Variants in DGKD observed in about 807,000 individuals in gnomAD.
DGKD encodes the protein DAG kinase delta.
DGKD carries 68 observed loss-of-function variants against 154.4 expected under a neutral mutation model. The observed-to-expected ratio is 0.44, with a 90% CI of 0.36 to 0.54. The LOEUF (loss-of-function observed/expected upper bound fraction) is 0.54. Ranked by LOEUF, DGKD falls within the 20% of genes least tolerant of loss-of-function variation. The pLI is 0.00. For synonymous variants in DGKD, 693 were observed against 638.0 expected (o/e 1.09, Z -1.30); for missense variants, 1,343 against 1,593.6 (o/e 0.84, Z 2.68).
At position 233,468,440 on chromosome 2, in the gene DGKD, G is replaced by A; in HGVS notation, c.3442G>A (p.Glu1148Lys). ...TCCGACAGTTCACCTCTGGGGGACA[G>A]AGGAGGTTGCTGCCTGGCTGGAGCA... ...LGAPVHLWGT[E>K]EVAAWLEHLS... The change falls in exon 29 of 30, where the codon GAG (glutamate) becomes AAG (lysine). Residue 1148 changes from glutamate (E) to lysine (K), a missense_variant. Coordinates refer to ENST00000264057, the MANE Select transcript of DGKD (RefSeq NM_152879.3). 1 of 1,613,464 alleles carries A rather than the reference G, an allele frequency of 6.2e-7. No homozygotes were observed. Among genetic ancestry groups the A allele is most frequent in the Non-Finnish European group, 8.5e-7 (1 of 1,179,896 alleles).
intron 4 of DGKD, 106 bp downstream of exon 4, chr2:233,434,590 CGTTCTTAGCAT>C (rs1488947287): frequency 7.0e-7 from 1 of 1,426,256 alleles, no homozygotes; most frequent in Non-Finnish European, 9.8e-7. Flanking sequence ...CTGGAGCTCA[CGTTCTTAGCAT>C]GTTCTTTATA....
intron 26 of DGKD, among the ~76,000 whole-genome samples, chr2:233,463,531 TCTC>T (rs1342070117): frequency 7.1e-6 from 1 of 140,828 alleles, no homozygotes; most frequent in African/African-American, 2.8e-5. Context: ...ACTCCACGCA[TCTC>T]CTCACTCCAC....
intron 1 of DGKD, among the ~76,000 whole-genome samples, chr2:233,381,398 T>A (rs1242829021): frequency 6.6e-6 from 1 of 152,232 alleles, no homozygotes; most frequent in East Asian, 1.9e-4. Context: ...CAGCAGACTT[T>A]TATGCTGAAG....
At chr2:233,399,148 T>A (rs1306982054) in intron 3 of DGKD, among the ~76,000 whole-genome samples, 1 of 152,238 alleles carries the variant, frequency 6.6e-6, no homozygotes, top group African/African-American at 2.4e-5. Context: ...ATTCTCACCC[T>A]CCCTGACCCT....
At chr2:233,417,191 C>T (rs936994501) in intron 3 of DGKD, among the ~76,000 whole-genome samples, 2 of 152,120 alleles carry the variant, frequency 1.3e-5, no homozygotes, top group African/African-American at 4.8e-5. Context: ...CGCCACCACG[C>T]CTGGCTAATT....
chr2:233,433,273 C>T (rs1180516097), intron 3 of DGKD, among the ~76,000 whole-genome samples: 1 of 152,048 alleles, frequency 6.6e-6, no homozygotes, highest in Non-Finnish European at 1.5e-5. Context: ...AGAATGAGAT[C>T]CTGTCATTTG....
rs746563961 is a variant in DGKD at position 233,450,107 on chromosome 2, C to T, written c.2014C>T (p.Pro672Ser). 6.2e-7 allele frequency: 1 copy of T among 1,612,792 alleles called. No individual in the cohort carries two copies. The highest frequency in any genetic ancestry group is 8.5e-7 in the Non-Finnish European group (1 of 1,179,380). ...PLSHSESFGV[P>S]KGRSQRKVSK... ...GTCCCACAGCGAGAGCTTCGGGGTCCCCAAGGGGAGGAGCCAGCGCAAAGG... is the reference window on the plus strand; with the variant it reads ...GTCCCACAGCGAGAGCTTCGGGGTCTCCAAGGGGAGGAGCCAGCGCAAAGG... The change falls in exon 16 of 30, where the codon CCC becomes TCC. Residue 672 changes from proline (P) to serine (S), a missense_variant. Pro to Ser is a moderately conservative substitution (Grantham distance 74). Coordinates refer to ENST00000264057, the MANE Select transcript of DGKD (RefSeq NM_152879.3).
chr2:233,425,777 C>T (rs374084259), intron 3 of DGKD, among the ~76,000 whole-genome samples: 4 of 152,192 alleles, frequency 2.6e-5, no homozygotes, highest in East Asian at 1.9e-4. Context: ...TTACTGTAGC[C>T]AGTCTCTACC....
intron 1 of DGKD, among the ~76,000 whole-genome samples, chr2:233,364,507 A>G (rs1440888672): frequency 1.3e-5 from 2 of 152,230 alleles, no homozygotes; most frequent in African/African-American, 4.8e-5. Context: ...AAAGGAGGCA[A>G]ATAGAGTAGA....
intron 6 of DGKD, 137 bp downstream of exon 6, chr2:233,436,061 A>G: frequency 9.3e-7 from 1 of 1,080,220 alleles, no homozygotes; most frequent in Non-Finnish European, 1.3e-6. Context: ...GCACAGTGGA[A>G]ATTATATGCG....
At chr2:233,429,941 T>C (rs1187346291) in intron 3 of DGKD, among the ~76,000 whole-genome samples, 1 of 152,238 alleles carries the variant, frequency 6.6e-6, no homozygotes, top group Non-Finnish European at 1.5e-5. Flanking sequence ...CTGGAGAATC[T>C]CCCTGTAAAG....
At chr2:233,366,421 T>C (rs1470691004) in intron 1 of DGKD, among the ~76,000 whole-genome samples, 1 of 152,044 alleles carries the variant, frequency 6.6e-6, no homozygotes, top group Non-Finnish European at 1.5e-5. Flanking sequence ...AACTCAGTGA[T>C]GGTTTGGTGT....
In DGKD at chr2:233,354,512, C is replaced by T. The variant is rs1459577933; in HGVS notation, c.-7C>T. On this transcript the variant is annotated 5_prime_UTR_variant, in exon 1 of 30. Transcript: ENST00000264057. This position sits in a 1 kb window ranked among gnomAD's most constrained non-coding sequence, Gnocchi z 4.8. The stretch of plus-strand genomic sequence containing the variant: ...CCCGCCCGCGGTGCGCGCGCTGGCC[C>T]GGCAGCATGGCGGCGGCGGCGGGCG... 3.1e-6 allele frequency: 3 copies of T among 983,458 alleles called. No individual in the cohort carries two copies. The highest frequency in any genetic ancestry group is 3.6e-6 in the Non-Finnish European group (3 of 830,444). 60.9% of individuals were successfully genotyped at this position (983,458 alleles called of 1,614,324 possible).
chr2:233,399,257 T>C (rs1176548177), intron 3 of DGKD, among the ~76,000 whole-genome samples: 1 of 152,216 alleles, frequency 6.6e-6, no homozygotes, highest in Non-Finnish European at 1.5e-5. Flanking sequence ...TTCATGGCTT[T>C]ACACCAAGTT....
intron 3 of DGKD, among the ~76,000 whole-genome samples, chr2:233,424,570 G>A (rs187816641): frequency 3.9e-5 from 6 of 152,316 alleles, no homozygotes; most frequent in East Asian, 1.9e-4. Context: ...GGGAGAGCTC[G>A]TGGTGAGTGC....
chr2:233,409,602 T>C (rs986664688), intron 3 of DGKD, among the ~76,000 whole-genome samples: 1 of 152,096 alleles, frequency 6.6e-6, no homozygotes, highest in Non-Finnish European at 1.5e-5. Flanking sequence ...AATAACCTGG[T>C]GTTTCACAGT....
rs2063545171 is a variant in DGKD, at chr2:233,459,078, G to A, written c.2695-679G>A. On this transcript the variant is annotated intron_variant, in intron 22 of 29. Transcript: ENST00000264057. The surrounding 1 kb of genome is among the most constrained non-coding windows in gnomAD (Gnocchi z 5.7). Reference sequence around the variant, plus strand: ...GGGAGGATTTCCAGCTGGGGCCCTCGATCATGGTTCTGAGGCCGAGTGGTG... The same window carrying A: ...GGGAGGATTTCCAGCTGGGGCCCTCAATCATGGTTCTGAGGCCGAGTGGTG... 1.3e-5 allele frequency among the ~76,000 whole-genome samples: 2 copies of A among 152,300 alleles called. No homozygotes were observed. Among genetic ancestry groups the A allele is most frequent in the Admixed American group, 6.5e-5 (1 of 15,302 alleles).
chr2:233,394,005 C>T (rs116871099), intron 3 of DGKD, among the ~76,000 whole-genome samples: 29 of 152,148 alleles, frequency 1.9e-4, no homozygotes, highest in East Asian at 1.7e-3. Context: ...TTGTAACTTA[C>T]GAAATATGTT....
In DGKD at chr2:233,462,454, A is replaced by G; in HGVS notation, c.3088A>G (p.Thr1030Ala). 1 of 1,595,316 alleles carries G rather than the reference A, an allele frequency of 6.3e-7. No individual in the cohort carries two copies. The highest frequency in any genetic ancestry group is 8.6e-7 in the Non-Finnish European group (1 of 1,165,876). Residue 1030 changes from threonine (T) to alanine (A), a missense_variant, in exon 25 of 30, where the codon ACA becomes GCA. Thr to Ala is a moderately conservative substitution (Grantham distance 58). Coordinates refer to ENST00000264057, the MANE Select transcript of DGKD (RefSeq NM_152879.3). ...CCGTGTGTATGGCAAGCCCAGAACC[A>G]CAGAGGTAGCTATTCTGGCCTTTTC... ...MDRVYGKPRT[T>A]EGLNCSFVLE...
Sources: gnomAD v4.1 joint callset for allele counts (sites outside exome capture counted in the v4.1 genomes callset) on GRCh38, gnomAD v4.1.1 for gene constraint, Gnocchi (gnomAD v3.1) non-coding constraint, MANE v1.5 for transcripts, NCBI Gene and HGNC (gene_info 2026-07-23, HGNC 2026-07-21) for gene names.